The following IRAK1BP1 variants were observed in gnomAD, a reference collection of about 807,000 sequenced individuals.
The protein encoded by IRAK1BP1 is interleukin 1 receptor associated kinase 1 binding protein 1.
In IRAK1BP1, 24 loss-of-function variants were observed where a neutral mutation model predicts 28.0. The observed-to-expected ratio is 0.86, with a 90% CI of 0.62 to 1.20. The LOEUF (loss-of-function observed/expected upper bound fraction) is 1.20. Among genes scored for constraint, IRAK1BP1 ranks in the 50% most tolerant of loss-of-function variants. The probability of loss-of-function intolerance (pLI) is 0.00; values close to 1 mark genes in which losing one functional copy is unlikely to be tolerated. For synonymous variants in IRAK1BP1, 131 were observed against 116.3 expected (o/e 1.13, Z -0.81); for missense variants, 336 against 316.7 (o/e 1.06, Z -0.46).
the IRAK1BP1 span, among the ~76,000 whole-genome samples, chr6:78,965,338 T>C: frequency 6.6e-6 from 1 of 152,178 alleles, no homozygotes; most frequent in African/African-American, 2.4e-5. Context: ...TGAACTGATG[T>C]CCGTCTCACT....
chr6:78,885,666 T>C (rs1158132274), intron 2 of IRAK1BP1, among the ~76,000 whole-genome samples: 1 of 152,162 alleles, frequency 6.6e-6, no homozygotes, highest in Non-Finnish European at 1.5e-5. Context: ...GAAATAGCAG[T>C]TAATTGCCAC....
chr6:78,920,256 T>C (rs919109763), intron 4 of IRAK1BP1, among the ~76,000 whole-genome samples: 4 of 151,966 alleles, frequency 2.6e-5, no homozygotes, highest in African/African-American at 9.7e-5. Flanking sequence ...CCATCTCAAA[T>C]AAAAAATTTT....
chr6:78,877,967 TG>T (rs1205067591), intron 1 of IRAK1BP1, among the ~76,000 whole-genome samples: 1 of 139,228 alleles, frequency 7.2e-6, no homozygotes, highest in Non-Finnish European at 1.6e-5. Context: ...TGCTGAGGCT[TG>T]AGTAGGTAAA....
intron 1 of IRAK1BP1, among the ~76,000 whole-genome samples, chr6:78,873,827 A>T (rs191960221): frequency 2.2e-4 from 33 of 152,328 alleles, no homozygotes; most frequent in Non-Finnish European, 4.3e-4. Context: ...GTAGTATATT[A>T]GATATGTGTA....
chr6:78,915,510 T>C (rs1772536589), intron 4 of IRAK1BP1, among the ~76,000 whole-genome samples: 1 of 152,146 alleles, frequency 6.6e-6, no homozygotes, highest in Non-Finnish European at 1.5e-5. Flanking sequence ...GTGCTGTGGA[T>C]TCACACTTCC....
At chr6:78,932,055 C>T (rs1337524428) in intron 4 of IRAK1BP1, among the ~76,000 whole-genome samples, 3 of 152,176 alleles carry the variant, frequency 2.0e-5, no homozygotes, top group Non-Finnish European at 4.4e-5. Flanking sequence ...TAGATTTAAT[C>T]CCAAGAAACT....
intron 2 of IRAK1BP1, among the ~76,000 whole-genome samples, chr6:78,886,474 A>C (rs1377823185): frequency 2.0e-5 from 3 of 152,168 alleles, no homozygotes; most frequent in Non-Finnish European, 4.4e-5. Flanking sequence ...TAGTAGTAGG[A>C]ACTGAAAAAT....
chr6:78,911,135 C>T (rs1356721100), intron 4 of IRAK1BP1, among the ~76,000 whole-genome samples: 1 of 152,120 alleles, frequency 6.6e-6, no homozygotes, highest in African/African-American at 2.4e-5. Context: ...CCCTAACTTC[C>T]TCTCAGGCTC....
At chr6:78,889,116 C>CAAAAAA (rs201870779) in intron 2 of IRAK1BP1, among the ~76,000 whole-genome samples, 1 of 79,784 alleles carries the variant, frequency 1.3e-5, no homozygotes, top group Non-Finnish European at 2.4e-5. Context: ...GACTCTGTCT[C>CAAAAAA]AAAAAAAAAA....
At chr6:78,917,834 G>C (rs774072623) in intron 4 of IRAK1BP1, among the ~76,000 whole-genome samples, 8 of 152,234 alleles carry the variant, frequency 5.3e-5, no homozygotes, top group African/African-American at 9.6e-5. Flanking sequence ...AGCTTCATAA[G>C]TGAAGGAGAA....
At position 78,867,674 on chromosome 6, in the gene IRAK1BP1, C is replaced by T. The variant is rs775510630; in HGVS notation, c.98C>T (p.Thr33Met). Residue 33 changes from threonine to methionine, a missense_variant, in exon 1 of 4, where the codon ACG (threonine) becomes ATG (methionine). Coordinates refer to ENST00000369940, the MANE Select transcript of IRAK1BP1 (RefSeq NM_001010844.4). The part of the protein sequence containing the change: ...RENNLASGRE[T>M]LPGLRHPLSS... ...AACAACCTGGCCTCAGGGAGAGAGA[C>T]GCTACCGGGCTTACGCCACCCCCTC... 13 of 1,614,110 alleles carry T rather than the reference C, an allele frequency of 8.1e-6. No homozygotes were observed. The highest frequency in any genetic ancestry group is 1.0e-5 in the Non-Finnish European group (12 of 1,180,048).
At position 78,901,223 on chromosome 6, in the gene IRAK1BP1, C is replaced by T. The variant is rs1377114595; in HGVS notation, c.*2889C>T. ...GTTAGTAGGCACTTTTTAGAATTTC[C>T]AGGAACTTTTAAAGATGTTGTCTCC... On this transcript the variant is annotated 3_prime_UTR_variant, in exon 4 of 4. Transcript: ENST00000369940. The T allele has an allele frequency of 1.3e-5, 2 of 150,018 alleles. No homozygotes were observed. Among genetic ancestry groups the T allele is most frequent in the Admixed American group, 6.7e-5 (1 of 15,034 alleles). The allele number at this position is 150,018 out of a possible 1,614,324, so 9.3% of individuals were successfully genotyped here.
downstream of IRAK1BP1, among the ~76,000 whole-genome samples, chr6:78,903,984 G>GT (rs565859572): frequency 5.8e-3 from 884 of 152,208 alleles, 13 homozygotes; most frequent in African/African-American, 0.02. Flanking sequence ...GCTTGAAACA[G>GT]TTTTTTTCCC....
At chr6:78,871,512 C>T in intron 1 of IRAK1BP1, 1 of 985,476 alleles carries the variant, frequency 1.0e-6, no homozygotes, top group Non-Finnish European at 1.2e-6. Context: ...CAGACGAGAA[C>T]TTACCTTACA....
intron 4 of IRAK1BP1, among the ~76,000 whole-genome samples, chr6:78,920,121 G>T (rs1192271669): frequency 6.6e-6 from 1 of 152,144 alleles, no homozygotes; most frequent in South Asian, 2.1e-4. Flanking sequence ...GGGTGTGATT[G>T]TGCATGCCTG....
chr6:78,885,247 A>G (rs1562080991), intron 1 of IRAK1BP1, 131 bp from the exon 2 acceptor site: 1 of 549,226 alleles, frequency 1.8e-6, no homozygotes, highest in East Asian at 3.2e-5. Flanking sequence ...AAAGTTTTAA[A>G]ACATCAGGCA....
intron 2 of IRAK1BP1, among the ~76,000 whole-genome samples, chr6:78,894,190 A>C (rs189444371): frequency 1.3e-5 from 2 of 152,296 alleles, no homozygotes; most frequent in African/African-American, 4.8e-5. Context: ...ATCAAAAAGA[A>C]AACAGAAAAT....
At chr6:78,972,914 G>A in the IRAK1BP1 span, among the ~76,000 whole-genome samples, 1 of 152,204 alleles carries the variant, frequency 6.6e-6, no homozygotes, top group Non-Finnish European at 1.5e-5. Context: ...TGGTGTACCT[G>A]AAAGTGATGG....
At chr6:78,912,319 C>A (rs1022480836) in intron 4 of IRAK1BP1, among the ~76,000 whole-genome samples, 1 of 152,056 alleles carries the variant, frequency 6.6e-6, no homozygotes, top group African/African-American at 2.4e-5. Context: ...GGGTAGCAAA[C>A]CCACTTCACA....
Sources: allele counts gnomAD v4.1 joint callset (sites outside exome capture counted in the v4.1 genomes callset), GRCh38; gene constraint gnomAD v4.1.1; transcripts MANE v1.5; gene names NCBI Gene and HGNC (gene_info 2026-07-23, HGNC 2026-07-21).